SLC39A12: variants seen among roughly 807,000 people sequenced by gnomAD.
SLC39A12 encodes solute carrier family 39 member 12.
A neutral mutation model predicts 71.1 loss-of-function variants in SLC39A12; 63 were observed. The observed-to-expected ratio is 0.89, with a 90% CI of 0.72 to 1.09. The LOEUF (loss-of-function observed/expected upper bound fraction) is 1.09. Among genes scored for constraint, SLC39A12 ranks in the 50% least tolerant of loss-of-function variants. The probability of loss-of-function intolerance (pLI) is 0.00; values close to 1 mark genes in which losing one functional copy is unlikely to be tolerated. For missense variants in SLC39A12, 892 were observed against 812.6 expected, an observed-to-expected ratio of 1.10 and a Z score of -1.19; for synonymous variants, 351 against 301.3, an observed-to-expected ratio of 1.16 and a Z score of -1.71.
At chr10:18,009,055 AAATT>A (rs1347052671) in intron 12 of SLC39A12, among the ~76,000 whole-genome samples, 2 of 152,192 alleles carry the variant, frequency 1.3e-5, no homozygotes, top group South Asian at 2.1e-4. Context: ...TTTAAAGCAT[AAATT>A]AATTAATTAA....
intron 2 of SLC39A12, among the ~76,000 whole-genome samples, chr10:17,955,014 AT>A (rs1589216013): frequency 6.6e-6 from 1 of 152,340 alleles, no homozygotes; most frequent in East Asian, 1.9e-4. Context: ...ATTAATATAT[AT>A]AGATGGCAAC....
At chr10:18,028,169 A>G (rs1836731065) in intron 12 of SLC39A12, among the ~76,000 whole-genome samples, 1 of 152,216 alleles carries the variant, frequency 6.6e-6, no homozygotes, top group Non-Finnish European at 1.5e-5. Flanking sequence ...GCCAAAAGCT[A>G]TGCATTCCTG....
At chr10:18,015,248 T>A (rs193121688) in intron 12 of SLC39A12, among the ~76,000 whole-genome samples, 1 of 152,158 alleles carries the variant, frequency 6.6e-6, no homozygotes, top group Non-Finnish European at 1.5e-5. Context: ...ATCTGTTTAA[T>A]GGAAAGACTG....
intron 12 of SLC39A12, among the ~76,000 whole-genome samples, chr10:18,041,825 A>T (rs1023186320): frequency 6.9e-6 from 1 of 144,572 alleles, no homozygotes; most frequent in African/African-American, 2.7e-5. Context: ...ACGTATATGT[A>T]TGTACATACA....
chr10:18,029,768 A>G (rs1836784056), intron 12 of SLC39A12, among the ~76,000 whole-genome samples: 1 of 151,746 alleles, frequency 6.6e-6, no homozygotes, highest in Admixed American at 6.6e-5. Context: ...AGAGGGGGAA[A>G]TGGTGGCATT....
At chr10:18,042,256 T>G (rs1392180433) in intron 12 of SLC39A12, among the ~76,000 whole-genome samples, 1 of 151,862 alleles carries the variant, frequency 6.6e-6, no homozygotes, top group Admixed American at 6.6e-5. Flanking sequence ...AACATGCAGG[T>G]TGCTTGAGCC....
chr10:17,982,042 C>G (rs1835273881), intron 6 of SLC39A12, among the ~76,000 whole-genome samples: 1 of 152,136 alleles, frequency 6.6e-6, no homozygotes, highest in Non-Finnish European at 1.5e-5. Flanking sequence ...TCCTATAGGG[C>G]TGCCTTTCTC....
At chr10:17,972,696 C>G (rs935508634) in intron 4 of SLC39A12, among the ~76,000 whole-genome samples, 6 of 151,848 alleles carry the variant, frequency 4.0e-5, no homozygotes, top group Admixed American at 3.9e-4. Flanking sequence ...GTATCTTTTT[C>G]TGTCCCTTTA....
chr10:18,001,590 C>G (rs1714023982), intron 11 of SLC39A12, among the ~76,000 whole-genome samples: 1 of 152,194 alleles, frequency 6.6e-6, no homozygotes. Flanking sequence ...TGTTTAAAGC[C>G]AAGCCTAGCA....
intron 12 of SLC39A12, among the ~76,000 whole-genome samples, chr10:18,038,909 G>A (rs1182984117): frequency 6.6e-6 from 1 of 152,190 alleles, no homozygotes; most frequent in Non-Finnish European, 1.5e-5. Flanking sequence ...GTAGGTTCAT[G>A]AAGATATTGA....
intron 12 of SLC39A12, among the ~76,000 whole-genome samples, chr10:18,042,468 A>AG (rs1443920565): frequency 6.6e-6 from 1 of 151,214 alleles, no homozygotes; most frequent in African/African-American, 2.4e-5. Context: ...CAAAAGAAAA[A>AG]AAAAAAAAAA....
intron 4 of SLC39A12, among the ~76,000 whole-genome samples, chr10:17,976,950 CTT>C (rs1327351335): frequency 1.3e-5 from 2 of 152,110 alleles, no homozygotes; most frequent in Non-Finnish European, 2.9e-5. Flanking sequence ...TATACTTGCT[CTT>C]GTTACAAGTC....
intron 12 of SLC39A12, among the ~76,000 whole-genome samples, chr10:18,034,494 A>T (rs374204042): frequency 2.0e-5 from 3 of 151,726 alleles, no homozygotes; most frequent in Non-Finnish European, 2.9e-5. Flanking sequence ...GTTTTCCATT[A>T]GCTTGGTAGA....
At position 17,993,249 on chromosome 10, in the gene SLC39A12, T is replaced by A. The variant is rs1291319348; in HGVS notation, c.1491T>A (p.Ser497Arg). 1 of 1,551,988 alleles carries A rather than the reference T, an allele frequency of 6.4e-7. No individual in the cohort carries two copies. Among genetic ancestry groups the A allele is most frequent in the Admixed American group, 2.0e-5 (1 of 51,002 alleles). ...ATCTTGCACTCAACTCTGAATTAAG[T>A]GACCAGGCAGGCAGAGGCAAATCTG... ...SHHLALNSEL[S>R]DQAGRGKSAS... is the part of the protein sequence containing the mutation. Residue 497 changes from serine (S) to arginine (R), a missense_variant, in exon 9 of 13, where the codon AGT (serine) becomes AGA (arginine). By Grantham distance (110) the Ser-to-Arg change is moderately radical. Coordinates refer to ENST00000377369, the MANE Select transcript of SLC39A12 (RefSeq NM_001145195.2).
At chr10:18,001,744 C>T (rs1208637189) in intron 11 of SLC39A12, 2 of 152,144 alleles carry the variant, frequency 1.3e-5, no homozygotes, top group South Asian at 2.1e-4. Context: ...TGTTTTGATA[C>T]AGGTATGTAA....
chr10:17,997,710 G>C (rs7079066), intron 10 of SLC39A12, among the ~76,000 whole-genome samples: 45,432 of 152,062 alleles, frequency 0.3, 7,767 homozygotes, highest in Non-Finnish European at 0.39. Context: ...GGGACATACT[G>C]AATTAAGCTT....
chr10:18,016,208 C>T (rs939010258), intron 12 of SLC39A12, among the ~76,000 whole-genome samples: 2 of 152,100 alleles, frequency 1.3e-5, no homozygotes, highest in Non-Finnish European at 2.9e-5. Context: ...TTCTTCCTTC[C>T]CCCAAATCCC....
chr10:17,978,884 G>T (rs1029179728), intron 5 of SLC39A12, among the ~76,000 whole-genome samples: 11 of 152,076 alleles, frequency 7.2e-5, no homozygotes, highest in Non-Finnish European at 1.0e-4. Context: ...GCCTTTCCAA[G>T]GGCTGTGGGC....
chr10:18,038,632 A>G (rs529634043), intron 12 of SLC39A12, among the ~76,000 whole-genome samples: 1 of 150,814 alleles, frequency 6.6e-6, no homozygotes, highest in South Asian at 2.1e-4. Context: ...AGCCTGGGCC[A>G]CAAGAGTGAA....
Sources: gnomAD v4.1 joint callset for allele counts (sites outside exome capture counted in the v4.1 genomes callset) on GRCh38, gnomAD v4.1.1 for gene constraint, MANE v1.5 for transcripts, NCBI Gene and HGNC (gene_info 2026-07-23, HGNC 2026-07-21) for gene names.